The following TMEM154 variants were observed in gnomAD, a reference collection of about 807,000 sequenced individuals.
TMEM154 encodes transmembrane protein 154.
In TMEM154, 27 loss-of-function variants were observed where a neutral mutation model predicts 24.5. The ratio of observed to expected loss-of-function variants is 1.10; its 90% CI spans 0.81 to 1.52. TMEM154 has a LOEUF of 1.52. Among genes scored for constraint, TMEM154 ranks in the 40% most tolerant of loss-of-function variants. TMEM154 has a pLI of 0.00. For synonymous variants in TMEM154, 67 were observed against 76.8 expected, an observed-to-expected ratio of 0.87 and a Z score of 0.67; for missense variants, 228 against 213.4, an observed-to-expected ratio of 1.07 and a Z score of -0.43.
intron 3 of TMEM154, among the ~76,000 whole-genome samples, chr4:152,651,090 A>C (rs1318197777): frequency 1.3e-5 from 2 of 152,238 alleles, no homozygotes; most frequent in African/African-American, 4.8e-5. Flanking sequence ...GTCACCAACT[A>C]CATTAGCTTC....
intron 1 of TMEM154, among the ~76,000 whole-genome samples, chr4:152,674,022 G>A (rs370099379): frequency 5.3e-5 from 8 of 151,666 alleles, no homozygotes; most frequent in South Asian, 2.1e-4. Context: ...TGATAAATGC[G>A]GTAACCTGAA....
In TMEM154 at chr4:152,628,349, T is replaced by C; in HGVS notation, c.*197A>G. Reference sequence around the variant, plus strand: ...TGGCAGCCAGGCCTTTTCCTAGTACTTCTCAATTGCACATTCTTCCAAGTG... The same window carrying C: ...TGGCAGCCAGGCCTTTTCCTAGTACCTCTCAATTGCACATTCTTCCAAGTG... On this transcript the variant is annotated 3_prime_UTR_variant, in exon 7 of 7. Transcript: ENST00000304385. 1 of 931,878 alleles carries C rather than the reference T, an allele frequency of 1.1e-6. No individual in the cohort carries two copies. The highest frequency in any genetic ancestry group is 1.7e-6 in the Non-Finnish European group (1 of 600,618). 57.7% of individuals were successfully genotyped at this position (931,878 alleles called of 1,614,324 possible).
chr4:152,673,167 T>G (rs1351433899), intron 1 of TMEM154, among the ~76,000 whole-genome samples: 1 of 152,206 alleles, frequency 6.6e-6, no homozygotes, highest in Non-Finnish European at 1.5e-5. Flanking sequence ...TTTTCAAACA[T>G]GTCTATGTCC....
In TMEM154 at chr4:152,671,009, G is replaced by C. The variant is rs377712411; in HGVS notation, c.64+8861C>G. Among the ~76,000 whole-genome samples the C allele has an allele frequency of 4.5e-4, 69 of 152,330 alleles. No homozygotes were observed. In the South Asian group the frequency reaches 0.014, roughly 30 times the overall value. On this transcript the variant is annotated intron_variant, in intron 1 of 6. Transcript: ENST00000304385. ...CATGTGTTTGTATACAAAGTCTCAT[G>C]AGTACATGGGAGAGGAAGACATTCA...
chr4:152,674,200 C>T (rs140581389), intron 1 of TMEM154, among the ~76,000 whole-genome samples: 23 of 152,042 alleles, frequency 1.5e-4, no homozygotes, highest in African/African-American at 4.6e-4. Flanking sequence ...TCTACCAATG[C>T]GCATTTCCTC....
intron 1 of TMEM154, among the ~76,000 whole-genome samples, chr4:152,653,390 ATT>A (rs56224803): frequency 1.8e-3 from 249 of 141,934 alleles, no homozygotes; most frequent in Middle Eastern, 3.7e-3. Context: ...CTGTGTCCTA[ATT>A]TTTTTTTTTT....
chr4:152,632,273 G>C (rs893407704), intron 6 of TMEM154, among the ~76,000 whole-genome samples: 2 of 152,030 alleles, frequency 1.3e-5, no homozygotes, highest in African/African-American at 4.8e-5. Context: ...ATGAGGTTGA[G>C]CTCTAAATTT....
chr4:152,639,612 C>T (rs1350740906), intron 6 of TMEM154, among the ~76,000 whole-genome samples: 1 of 151,978 alleles, frequency 6.6e-6, no homozygotes, highest in East Asian at 1.9e-4. Flanking sequence ...CTCTCTCTCT[C>T]CCCATTTCTT....
chr4:152,636,239 A>G (rs1164067863), intron 6 of TMEM154, among the ~76,000 whole-genome samples: 1 of 152,222 alleles, frequency 6.6e-6, no homozygotes, highest in Admixed American at 6.5e-5. Flanking sequence ...TTCTGTCGTT[A>G]CCATGTGTTG....
chr4:152,637,473 A>G (rs1752171944), intron 6 of TMEM154, among the ~76,000 whole-genome samples: 2 of 152,154 alleles, frequency 1.3e-5, no homozygotes, highest in African/African-American at 4.8e-5. Flanking sequence ...TGAACCCAGG[A>G]GGCAGAGGCT....
At chr4:152,647,018 A>T (rs1728261572) in intron 3 of TMEM154, 1 of 729,200 alleles carries the variant, frequency 1.4e-6, no homozygotes, top group Admixed American at 2.0e-5. Flanking sequence ...GCAGAACATC[A>T]CGTTACTACA....
chr4:152,678,639 CCT>C (rs1165605892), intron 1 of TMEM154, among the ~76,000 whole-genome samples: 4 of 152,174 alleles, frequency 2.6e-5, no homozygotes, highest in South Asian at 2.1e-4. Flanking sequence ...CCTTCTTCCA[CCT>C]CTGTTTCTTC....
intron 1 of TMEM154, among the ~76,000 whole-genome samples, chr4:152,663,501 T>A (rs911622330): frequency 6.6e-5 from 10 of 152,250 alleles, no homozygotes; most frequent in Admixed American, 1.3e-4. Context: ...CTTCATGCCC[T>A]GCATGGGACC....
intron 1 of TMEM154, among the ~76,000 whole-genome samples, chr4:152,660,964 C>T (rs1331384560): frequency 1.3e-5 from 2 of 152,154 alleles, no homozygotes; most frequent in Non-Finnish European, 2.9e-5. Context: ...CCATTTGACC[C>T]GTGGCCCCGG....
rs1208755793 is a variant in TMEM154, at chr4:152,625,662, T to G, written c.*2884A>C. The stretch of plus-strand genomic sequence containing the variant: ...TCGTGACACTGCACTCTAACCTGGG[T>G]GACAGAGTGAGACTCCATCTCAAAA... On this transcript the variant is annotated 3_prime_UTR_variant, in exon 7 of 7. Coordinates refer to ENST00000304385, the MANE Select transcript of TMEM154 (RefSeq NM_152680.3). The G allele has an allele frequency of 7.0e-6, 1 of 141,920 alleles. No homozygotes were observed. Among genetic ancestry groups the G allele is most frequent in the Non-Finnish European group, 1.5e-5 (1 of 66,344 alleles). 8.8% of individuals were successfully genotyped at this position (141,920 alleles called of 1,614,324 possible).
intron 5 of TMEM154, 82 bp from the exon 6 acceptor site, chr4:152,641,067 T>C (rs1752249226): frequency 2.2e-6 from 3 of 1,354,406 alleles, no homozygotes; most frequent in Non-Finnish European, 3.1e-6. Flanking sequence ...TTAAATACCA[T>C]AGTTCTCTGA....
intron 3 of TMEM154, among the ~76,000 whole-genome samples, chr4:152,649,535 G>T (rs1489755296): frequency 2.0e-5 from 3 of 152,198 alleles, no homozygotes; most frequent in African/African-American, 7.2e-5. Context: ...TAAGAACAAT[G>T]CTTCCTCCAG....
chr4:152,643,458 G>A (rs1390551946), intron 4 of TMEM154, among the ~76,000 whole-genome samples: 1 of 152,240 alleles, frequency 6.6e-6, no homozygotes, highest in Non-Finnish European at 1.5e-5. Context: ...CTCCCCTGAA[G>A]GTGCAAAGTC....
intron 3 of TMEM154, chr4:152,646,428 A>G (rs1728233757): frequency 6.5e-6 from 1 of 154,004 alleles, no homozygotes; most frequent in South Asian, 2.0e-4. Context: ...TGGCAACAGA[A>G]AAACATCTGG....
Sources: allele counts gnomAD v4.1 joint callset (sites outside exome capture counted in the v4.1 genomes callset), GRCh38; gene constraint gnomAD v4.1.1; transcripts MANE v1.5; gene names NCBI Gene and HGNC (gene_info 2026-07-23, HGNC 2026-07-21).